SP140L: variants seen among roughly 807,000 people sequenced by gnomAD.
SP140L encodes nuclear body protein SP140-like protein.
A neutral mutation model predicts 84.3 loss-of-function variants in SP140L; 64 were observed. The observed-to-expected ratio is 0.76, with a 90% CI of 0.62 to 0.94. The LOEUF (loss-of-function observed/expected upper bound fraction) is 0.94. Among genes scored for constraint, SP140L ranks in the 40% least tolerant of loss-of-function variants. The probability of loss-of-function intolerance (pLI) is 0.00; values close to 1 mark genes in which losing one functional copy is unlikely to be tolerated. For missense variants in SP140L, 628 were observed against 692.5 expected (o/e 0.91, Z 1.05); for synonymous variants, 242 against 236.9 (o/e 1.02, Z -0.20).
At chr2:230,400,860 C>T (rs2062302334) in intron 15 of SP140L, 95 bp from the exon 16 acceptor site, 1 of 1,543,530 alleles carries the variant, frequency 6.5e-7, no homozygotes. Flanking sequence ...TGACTGAGCC[C>T]ATCAGCCATT....
chr2:230,366,453 T>C (rs1247938366), intron 5 of SP140L, among the ~76,000 whole-genome samples: 2 of 151,934 alleles, frequency 1.3e-5, no homozygotes, highest in African/African-American at 4.8e-5. Flanking sequence ...CCTTCTTTGG[T>C]TTGCATTTGC....
chr2:230,350,719 G>A (rs542692860), intron 2 of SP140L, among the ~76,000 whole-genome samples: 1 of 152,172 alleles, frequency 6.6e-6, no homozygotes, highest in Admixed American at 6.5e-5. Flanking sequence ...AAAAAGAGAG[G>A]CAGATGAGGG....
At chr2:230,343,891 G>C (rs1487949592) in intron 2 of SP140L, among the ~76,000 whole-genome samples, 6 of 152,040 alleles carry the variant, frequency 3.9e-5, no homozygotes, top group Non-Finnish European at 8.8e-5. Flanking sequence ...CTGAGAAACT[G>C]TTATGATTAC....
intron 3 of SP140L, 57 bp from the exon 4 acceptor site, chr2:230,358,907 G>T (rs548256968): frequency 5.1e-5 from 72 of 1,425,662 alleles, no homozygotes; most frequent in Admixed American, 4.2e-4. Flanking sequence ...TGTTTTTATG[G>T]CTCTTCTGTA....
chr2:230,401,391 T>C lies in SP140L; in HGVS notation c.1448T>C (p.Val483Ala), dbSNP rs769388397. Reference protein sequence around the residue: ...QLKCEFLLLKVYCCSESSFFA... With the variant: ...QLKCEFLLLKAYCCSESSFFA... ...AAATGTGAGTTCCTCCTCTTGAAAGTCTATTGCTGTTCTGAGAGCTCCTTT... is the reference window on the plus strand; with the variant it reads ...AAATGTGAGTTCCTCCTCTTGAAAGCCTATTGCTGTTCTGAGAGCTCCTTT... The change falls in exon 17 of 19, where the codon GTC becomes GCC. Residue 483 changes from valine (V) to alanine (A), a missense_variant. By Grantham distance (64) the Val-to-Ala change is moderately conservative. Transcript: ENST00000415673. 2.5e-6 allele frequency: 4 copies of C among 1,585,962 alleles called. No homozygotes were observed. The South Asian group carries it at 4.5e-5, about 18-fold the overall frequency.
chr2:230,359,068 G>T lies in SP140L; in HGVS notation c.375G>T (p.Leu125=). The T allele has an allele frequency of 6.2e-7, 1 of 1,613,674 alleles. No homozygotes were observed. The highest frequency in any genetic ancestry group is 8.5e-7 in the Non-Finnish European group (1 of 1,179,896). ...TTAACCTGTCAGTTTTGGAAGCACT[G>T]TTCAGCGAGGTCAACATGCAGGAAT... The part of the protein sequence containing the change: ...KTFNLSVLEA[L]FSEVNMQEYP... Residue 125 remains leucine (L), a synonymous_variant, in exon 4 of 19, where the codon CTG becomes CTT. Coordinates refer to ENST00000415673, the MANE Select transcript of SP140L (RefSeq NM_138402.6).
chr2:230,394,134 C>A (rs950318585), intron 13 of SP140L, among the ~76,000 whole-genome samples: 3 of 152,154 alleles, frequency 2.0e-5, no homozygotes, highest in African/African-American at 7.2e-5. Context: ...CCAGGAAAAT[C>A]TTTTATGTTG....
At chr2:230,375,363 A>C (rs1156373817) in intron 7 of SP140L, among the ~76,000 whole-genome samples, 1 of 152,150 alleles carries the variant, frequency 6.6e-6, no homozygotes, top group Non-Finnish European at 1.5e-5. Context: ...TGCAATGAAC[A>C]TGGGGGTGCA....
chr2:230,403,201 T>C lies in SP140L; in HGVS notation c.*305T>C. The C allele has an allele frequency of 4.2e-6, 1 of 237,718 alleles. No individual in the cohort carries two copies. The highest frequency in any genetic ancestry group is 8.0e-6 in the Non-Finnish European group (1 of 125,700). The allele number at this position is 237,718 out of a possible 1,614,324, so 14.7% of individuals were successfully genotyped here. On this transcript the variant is annotated 3_prime_UTR_variant, in exon 19 of 19. Coordinates refer to ENST00000415673, the MANE Select transcript of SP140L (RefSeq NM_138402.6). Reference sequence around the variant, plus strand: ...ACAACATTTATTACTCACAAGACCTTTTTCCTCCGTTTTTTTTTTGAGATG... The same window carrying C: ...ACAACATTTATTACTCACAAGACCTCTTTCCTCCGTTTTTTTTTTGAGATG...
At chr2:230,390,526 A>G (rs561348329) in intron 11 of SP140L, among the ~76,000 whole-genome samples, 1 of 152,352 alleles carries the variant, frequency 6.6e-6, no homozygotes, top group South Asian at 2.1e-4. Flanking sequence ...GAGAGGGAAC[A>G]ATAATTAAAA....
At chr2:230,340,188 A>G (rs1420881631) in intron 2 of SP140L, among the ~76,000 whole-genome samples, 2 of 151,780 alleles carry the variant, frequency 1.3e-5, no homozygotes, top group Non-Finnish European at 2.9e-5. Context: ...TATTGAGTGC[A>G]TATATATTTA....
intron 2 of SP140L, among the ~76,000 whole-genome samples, chr2:230,357,234 A>AC (rs1269677138): frequency 6.6e-6 from 1 of 152,208 alleles, no homozygotes; most frequent in African/African-American, 2.4e-5. Context: ...AGGAGATATC[A>AC]CTGATATTCT....
Position 230,356,986 on chromosome 2 carries a change from T to C in SP140L, c.108-819T>C, listed in dbSNP as rs186443860. On this transcript the variant is annotated intron_variant, in intron 2 of 18. Transcript: ENST00000415673. ...CTGGGAAGTGCCAATAATTCTCTTC[T>C]GGTTGGATAAAAAGAGCTCCCAAGT... Among the ~76,000 whole-genome samples the C allele has an allele frequency of 1.9e-3, 289 of 152,276 alleles. 1 individual carries two copies. Among genetic ancestry groups the C allele is most frequent in the African/African-American group, 6.7e-3 (278 of 41,560 alleles).
intron 7 of SP140L, among the ~76,000 whole-genome samples, chr2:230,376,315 T>C (rs193084655): frequency 8.3e-4 from 127 of 152,306 alleles, no homozygotes; most frequent in African/African-American, 2.7e-3. Flanking sequence ...AATGTCTCTG[T>C]TTCCAGGTGA....
At chr2:230,365,332 A>G (rs1406270481) in intron 5 of SP140L, among the ~76,000 whole-genome samples, 4 of 151,848 alleles carry the variant, frequency 2.6e-5, no homozygotes, top group African/African-American at 9.7e-5. Flanking sequence ...CTCCTTATTC[A>G]TTATTGGTCT....
At chr2:230,348,838 C>T (rs1361477392) in intron 2 of SP140L, among the ~76,000 whole-genome samples, 2 of 152,204 alleles carry the variant, frequency 1.3e-5, no homozygotes, top group African/African-American at 2.4e-5. Context: ...AAAGTCCTGC[C>T]ATTTTTGCTC....
At chr2:230,374,106 A>C (rs2061169493) in intron 7 of SP140L, among the ~76,000 whole-genome samples, 1 of 152,232 alleles carries the variant, frequency 6.6e-6, no homozygotes, top group Non-Finnish European at 1.5e-5. Context: ...ACCTGACATC[A>C]GAAGTTCAAG....
At chr2:230,396,438 G>A (rs141962363) in intron 13 of SP140L, among the ~76,000 whole-genome samples, 2,211 of 152,322 alleles carry the variant, frequency 0.015, 58 homozygotes, top group African/African-American at 0.05. Context: ...CAGCCCAGAT[G>A]GTGAGGCCAA....
intron 2 of SP140L, among the ~76,000 whole-genome samples, chr2:230,337,594 C>A (rs2149684734): frequency 6.6e-6 from 1 of 152,210 alleles, no homozygotes; most frequent in Non-Finnish European, 1.5e-5. Context: ...AATGGTAATG[C>A]CTATGTTTTC....
Sources: gnomAD v4.1 joint callset for allele counts (sites outside exome capture counted in the v4.1 genomes callset) on GRCh38, gnomAD v4.1.1 for gene constraint, MANE v1.5 for transcripts, NCBI Gene and HGNC (gene_info 2026-07-23, HGNC 2026-07-21) for gene names.